The following PLEKHA6 variants were observed in gnomAD, a reference collection of about 807,000 sequenced individuals.
PLEKHA6 encodes pleckstrin homology domain-containing family A member 6.
In PLEKHA6, 60 loss-of-function variants were observed where a neutral mutation model predicts 116.7. The ratio of observed to expected loss-of-function variants is 0.51; its 90% confidence interval spans 0.42 to 0.64. The LOEUF is 0.64. PLEKHA6 is among the 30% of genes least tolerant of loss of function. The pLI is 0.00. For synonymous variants in PLEKHA6, 489 were observed against 556.1 expected (o/e 0.88, Z 1.70); for missense variants, 1,338 against 1,422.7 (o/e 0.94, Z 0.96).
chr1:204,334,635 A>C (rs1283495351), intron 1 of PLEKHA6, among the ~76,000 whole-genome samples: 3 of 152,184 alleles, frequency 2.0e-5, no homozygotes, highest in African/African-American at 7.2e-5. Context: ...TGGGTGGTTC[A>C]TGCCTGTCAT....
chr1:204,300,201 G>A (rs1670678054), intron 1 of PLEKHA6, among the ~76,000 whole-genome samples: 2 of 152,236 alleles, frequency 1.3e-5, no homozygotes, highest in African/African-American at 2.4e-5. Flanking sequence ...GAAGACCAGA[G>A]AGACTCCCTA....
At chr1:204,321,097 T>C (rs1672046527) in intron 1 of PLEKHA6, among the ~76,000 whole-genome samples, 1 of 152,006 alleles carries the variant, frequency 6.6e-6, no homozygotes, top group Non-Finnish European at 1.5e-5. Flanking sequence ...GGAATAGTGT[T>C]ACCCAGAGGC....
intron 1 of PLEKHA6, among the ~76,000 whole-genome samples, chr1:204,355,306 T>G (rs1367827534): frequency 2.6e-5 from 4 of 152,250 alleles, no homozygotes; most frequent in African/African-American, 9.6e-5. Context: ...GCTTATGAGA[T>G]AGGTAGCATT....
intron 1 of PLEKHA6, among the ~76,000 whole-genome samples, chr1:204,311,962 C>T (rs1458417414): frequency 6.6e-6 from 1 of 152,214 alleles, no homozygotes; most frequent in African/African-American, 2.4e-5. Flanking sequence ...TGCTACATGA[C>T]AAAATGCTAA....
intron 1 of PLEKHA6, among the ~76,000 whole-genome samples, chr1:204,296,408 C>A (rs1463871726): frequency 6.6e-6 from 1 of 152,084 alleles, no homozygotes; most frequent in Non-Finnish European, 1.5e-5. Flanking sequence ...ATGTGATGGG[C>A]ATTTAGATTT....
intron 3 of PLEKHA6, among the ~76,000 whole-genome samples, chr1:204,272,036 T>C (rs1014831773): frequency 2.6e-5 from 4 of 152,202 alleles, no homozygotes; most frequent in African/African-American, 9.7e-5. Context: ...CTCCTAATGC[T>C]ATCCCTCCCC....
Position 204,223,384 on chromosome 1 carries a change from G to A in PLEKHA6, c.*8+78C>T, listed in dbSNP as rs1407654901. ...GGGGAGAAGCAATACCAAAATGAGA[G>A]GGCATAGATGGCTCAATGGGGGTGA... On this transcript the variant is annotated intron_variant, in intron 22 of 22. Coordinates refer to ENST00000272203, the MANE Select transcript of PLEKHA6 (RefSeq NM_014935.5). This position sits in a 1 kb window ranked among gnomAD's most constrained non-coding sequence, Gnocchi z 4.8. 8.0e-6 allele frequency: 6 copies of A among 749,298 alleles called. No homozygotes were observed. Among genetic ancestry groups the A allele is most frequent in the Non-Finnish European group, 1.4e-5 (6 of 414,346 alleles). 46.4% of individuals were successfully genotyped at this position (749,298 alleles called of 1,614,324 possible).
chr1:204,299,726 G>C (rs1198776197), intron 1 of PLEKHA6: 2 of 682,424 alleles, frequency 2.9e-6, no homozygotes, highest in Non-Finnish European at 3.6e-6. Context: ...CTTTAGAAAG[G>C]CCTACTTCCC....
At chr1:204,347,281 G>A in intron 1 of PLEKHA6, 1 of 921,484 alleles carries the variant, frequency 1.1e-6, no homozygotes, top group East Asian at 2.4e-5. Context: ...CTGGAAGATG[G>A]CAGTTATGGC....
chr1:204,348,787 C>A (rs1255737820), intron 1 of PLEKHA6, among the ~76,000 whole-genome samples: 1 of 147,750 alleles, frequency 6.8e-6, no homozygotes, highest in Admixed American at 6.9e-5. Context: ...AGACATCCTG[C>A]TGACTGTCAT....
chr1:204,317,732 T>A (rs528222919), intron 1 of PLEKHA6, among the ~76,000 whole-genome samples: 4 of 152,366 alleles, frequency 2.6e-5, no homozygotes, highest in South Asian at 4.1e-4. Flanking sequence ...ATGCATTTTT[T>A]AAAAATTTAA....
chr1:204,349,954 C>T (rs925364853), intron 1 of PLEKHA6, among the ~76,000 whole-genome samples: 3 of 152,242 alleles, frequency 2.0e-5, no homozygotes, highest in African/African-American at 7.2e-5. Context: ...GCACCACTTA[C>T]AGTAAGGGTA....
chr1:204,247,014 T>C (rs1663787499), intron 13 of PLEKHA6, among the ~76,000 whole-genome samples: 2 of 152,136 alleles, frequency 1.3e-5, no homozygotes, highest in Admixed American at 1.3e-4. Context: ...TTCATGACTG[T>C]GGTCCCAGCT....
chr1:204,246,395 G>A (rs141119032), intron 13 of PLEKHA6, among the ~76,000 whole-genome samples: 3 of 152,304 alleles, frequency 2.0e-5, no homozygotes, highest in African/African-American at 4.8e-5. Flanking sequence ...ATTTGGACCC[G>A]AAGTTAGCGC....
chr1:204,331,225 T>G lies in PLEKHA6; in HGVS notation c.-95+28469A>C, dbSNP rs144744742. Among the ~76,000 whole-genome samples, 1,159 of 142,892 alleles carry G rather than the reference T, an allele frequency of 8.1e-3. 7 individuals carry two copies. Among genetic ancestry groups the G allele is most frequent in the Admixed American group, 0.017 (239 of 14,170 alleles). The allele number at this position is 142,892 out of a possible 152,430, so 93.7% of individuals were successfully genotyped here. ...AAAAAAAAAAAAAAAAAAAAAGGAATGAGCATCTCAGCCAAGCAGCACCTG... is the reference window on the plus strand; with the variant it reads ...AAAAAAAAAAAAAAAAAAAAAGGAAGGAGCATCTCAGCCAAGCAGCACCTG... On this transcript the variant is annotated intron_variant, in intron 1 of 22. Transcript: ENST00000272203.
intron 1 of PLEKHA6, among the ~76,000 whole-genome samples, chr1:204,355,988 C>G (rs1043686163): frequency 1.4e-5 from 1 of 71,966 alleles, no homozygotes; most frequent in Non-Finnish European, 3.0e-5. Context: ...CACACACACA[C>G]ACACACACAC....
intron 3 of PLEKHA6, among the ~76,000 whole-genome samples, chr1:204,270,778 C>G (rs1388871445): frequency 1.3e-5 from 2 of 152,238 alleles, no homozygotes; most frequent in Admixed American, 1.3e-4. Context: ...TTCCTCAGCA[C>G]AGCACAGAGG....
intron 11 of PLEKHA6, 106 bp from the exon 12 acceptor site, chr1:204,249,076 G>A: frequency 6.8e-7 from 1 of 1,476,874 alleles, no homozygotes; most frequent in Non-Finnish European, 9.4e-7. Flanking sequence ...CTGAGTGGAA[G>A]CTGTCCTTGC....
chr1:204,325,438 G>A (rs1468892228), intron 1 of PLEKHA6, among the ~76,000 whole-genome samples: 1 of 152,168 alleles, frequency 6.6e-6, no homozygotes, highest in Non-Finnish European at 1.5e-5. Flanking sequence ...AAAATTGGTT[G>A]TCCTACCAAA....
Sources: allele counts gnomAD v4.1 joint callset (sites outside exome capture counted in the v4.1 genomes callset), GRCh38; gene constraint gnomAD v4.1.1; non-coding constraint Gnocchi (gnomAD v3.1); transcripts MANE v1.5; gene names NCBI Gene and HGNC (gene_info 2026-07-23, HGNC 2026-07-21).